Variants in GRM5 observed in about 807,000 individuals in gnomAD.
The protein encoded by GRM5 is metabotropic glutamate receptor 5.
Under a neutral mutation model 83.1 loss-of-function variants are expected in GRM5, and 19 were observed. The observed-to-expected ratio is 0.23, with a 90% CI of 0.16 to 0.34. The LOEUF (loss-of-function observed/expected upper bound fraction) is 0.34. Ranked by LOEUF, GRM5 falls within the 10% of genes least tolerant of loss-of-function variation. The pLI is 1.00. For synonymous variants in GRM5, 675 were observed against 633.6 expected (o/e 1.07, Z -0.98); for missense variants, 1,160 against 1,588.3 (o/e 0.73, Z 4.58).
intron 3 of GRM5, among the ~76,000 whole-genome samples, chr11:88,786,623 A>G (rs1943073491): frequency 6.6e-6 from 1 of 152,092 alleles, no homozygotes; most frequent in Non-Finnish European, 1.5e-5. Context: ...AGGTACCAAC[A>G]TGGCTCCCCC....
intron 3 of GRM5, among the ~76,000 whole-genome samples, chr11:88,839,954 G>C (rs190919856): frequency 1.4e-4 from 21 of 152,204 alleles, no homozygotes; most frequent in Admixed American, 4.6e-4. Flanking sequence ...TATTCATTAA[G>C]TAGATGTGGA....
intron 8 of GRM5, among the ~76,000 whole-genome samples, chr11:88,561,490 G>C (rs543917026): frequency 6.6e-6 from 1 of 152,230 alleles, no homozygotes; most frequent in South Asian, 2.1e-4. Context: ...TAGAACCCCA[G>C]TTCCATGTGC....
At chr11:88,942,734 A>AT (rs201329026) in intron 2 of GRM5, among the ~76,000 whole-genome samples, 2 of 129,206 alleles carry the variant, frequency 1.5e-5, no homozygotes, top group African/African-American at 5.2e-5. Flanking sequence ...CAGTGTTTAA[A>AT]TTAAAAAAAA....
intron 2 of GRM5, among the ~76,000 whole-genome samples, chr11:88,990,057 A>C (rs1477465489): frequency 6.6e-6 from 1 of 151,644 alleles, no homozygotes; most frequent in Non-Finnish European, 1.5e-5. Flanking sequence ...TCTTCAAAAA[A>C]TTAATGAATC....
chr11:88,803,649 C>A (rs906075086), intron 3 of GRM5, among the ~76,000 whole-genome samples: 11 of 152,084 alleles, frequency 7.2e-5, no homozygotes, highest in African/African-American at 2.7e-4. Context: ...TCTAAAACAC[C>A]AAAAACAATG....
At chr11:88,921,925 A>AAAT (rs1405996126) in intron 2 of GRM5, among the ~76,000 whole-genome samples, 6 of 151,902 alleles carry the variant, frequency 3.9e-5, no homozygotes, top group Non-Finnish European at 7.4e-5. Context: ...ATACAAAAAA[A>AAAT]ACCGTATTTC....
intron 3 of GRM5, among the ~76,000 whole-genome samples, chr11:88,706,472 C>G (rs1368808556): frequency 1.3e-5 from 2 of 152,094 alleles, no homozygotes; most frequent in East Asian, 3.9e-4. Context: ...CTCTGTATTA[C>G]TATCCTCCAC....
chr11:88,956,471 A>T (rs1938617180), intron 2 of GRM5, among the ~76,000 whole-genome samples: 1 of 152,218 alleles, frequency 6.6e-6, no homozygotes, highest in South Asian at 2.1e-4. Context: ...TATTCTCAAG[A>T]ATTCATAGTC....
intron 2 of GRM5, among the ~76,000 whole-genome samples, chr11:88,972,174 G>A (rs147217773): frequency 8.5e-4 from 129 of 152,146 alleles, no homozygotes; most frequent in African/African-American, 2.5e-3. Flanking sequence ...CATTCGAACC[G>A]TAATATAAAC....
intron 8 of GRM5, among the ~76,000 whole-genome samples, chr11:88,534,295 A>G (rs1258287173): frequency 6.6e-6 from 1 of 152,204 alleles, no homozygotes; most frequent in Non-Finnish European, 1.5e-5. Context: ...AGCGGTAGAC[A>G]CTCAACACCA....
intron 2 of GRM5, among the ~76,000 whole-genome samples, chr11:88,916,698 G>A (rs866103261): frequency 5.9e-5 from 9 of 151,592 alleles, no homozygotes; most frequent in African/African-American, 2.2e-4. Context: ...CAAAGGGAGT[G>A]TCATCCCTCC....
rs183092935 is a variant in GRM5, at chr11:88,604,817, A to G, written c.1295T>C (p.Ile432Thr). Residue 432 changes from isoleucine to threonine, a missense_variant, in exon 5 of 10, where the codon ATT becomes ACT. Transcript: ENST00000305447. ...YAGLCDAMKP[I>T]DGRKLLESLM... The stretch of plus-strand genomic sequence containing the variant: ...GGACTCCAAAAGTTTCCGTCCATCA[A>G]TTGGCTTCATGGCATCACAGAGTCC... 32 of 1,613,980 alleles carry G rather than the reference A, an allele frequency of 2.0e-5. No individual in the cohort carries two copies. Among genetic ancestry groups the G allele is most frequent in the Admixed American group, 8.3e-5 (5 of 60,028 alleles).
chr11:88,738,133 G>C (rs1335079213), intron 3 of GRM5, among the ~76,000 whole-genome samples: 1 of 151,812 alleles, frequency 6.6e-6, no homozygotes, highest in African/African-American at 2.4e-5. Flanking sequence ...AAATGTTTCT[G>C]TATTTTATGT....
rs1937623484 is a variant in GRM5 at position 88,590,736 on chromosome 11, A to C, written c.1564-9T>G. ...TCTCCCTTTCGGATCACCTAAGGCA[A>C]ATATTTGAAATTTAGATTTTTTTTT... is the stretch of plus-strand genomic sequence containing the variant. On this transcript the variant is annotated splice_polypyrimidine_tract_variant and intron_variant, in intron 6 of 9. Transcript: ENST00000305447. 1 of 1,604,620 alleles carries C rather than the reference A, an allele frequency of 6.2e-7. No homozygotes were observed. Among genetic ancestry groups the C allele is most frequent in the Non-Finnish European group, 8.5e-7 (1 of 1,174,250 alleles).
In GRM5 at chr11:88,653,351, C is replaced by T. The variant is rs759355166; in HGVS notation, c.964G>A (p.Val322Ile). ...TGGAGCTTGATTGTGATGCCACCAA[C>T]AGCTTCTCGCTGATATCCATCTGTC... ...DVTDGYQREA[V>I]GGITIKLQSP... The change falls in exon 4 of 10, where the codon GTT becomes ATT. Residue 322 changes from valine (V) to isoleucine (I), a missense_variant. Val to Ile is a conservative substitution (Grantham distance 29). Coordinates refer to ENST00000305447, the MANE Select transcript of GRM5 (RefSeq NM_001143831.3). 6 of 1,613,066 alleles carry T rather than the reference C, an allele frequency of 3.7e-6. No individual in the cohort carries two copies. Among genetic ancestry groups the T allele is most frequent in the Admixed American group, 3.3e-5 (2 of 59,884 alleles).
chr11:89,064,896 G>C (rs1472698456), intron 1 of GRM5, among the ~76,000 whole-genome samples: 20 of 67,824 alleles, frequency 2.9e-4, no homozygotes, highest in East Asian at 5.5e-4. Flanking sequence ...CTCTGTGTGT[G>C]TGTGTGTGTG....
At chr11:88,933,961 T>C (rs1280543974) in intron 2 of GRM5, among the ~76,000 whole-genome samples, 1 of 151,572 alleles carries the variant, frequency 6.6e-6, no homozygotes, top group Non-Finnish European at 1.5e-5. Flanking sequence ...CCTAAGAAAC[T>C]AGCAAAAAGA....
chr11:89,030,010 A>C (rs1182700711), intron 2 of GRM5, among the ~76,000 whole-genome samples: 1 of 151,994 alleles, frequency 6.6e-6, no homozygotes, highest in African/African-American at 2.4e-5. Context: ...TTTCTGGGAG[A>C]CATTGTCTCT....
At chr11:88,620,269 G>T (rs1228485727) in intron 4 of GRM5, among the ~76,000 whole-genome samples, 1 of 152,180 alleles carries the variant, frequency 6.6e-6, no homozygotes, top group African/African-American at 2.4e-5. Context: ...CCATGGCTTA[G>T]ACTAGGCAAT....
Sources: gnomAD v4.1 joint callset for allele counts (sites outside exome capture counted in the v4.1 genomes callset) on GRCh38, gnomAD v4.1.1 for gene constraint, MANE v1.5 for transcripts, NCBI Gene and HGNC (gene_info 2026-07-23, HGNC 2026-07-21) for gene names.